The following ADRA1A variants were observed in gnomAD, a reference collection of about 807,000 sequenced individuals.
ADRA1A encodes adrenoceptor alpha 1A.
A neutral mutation model predicts 29.6 loss-of-function variants in ADRA1A; 31 were observed. The observed-to-expected ratio is 1.05, with a 90% CI of 0.79 to 1.41. The LOEUF (loss-of-function observed/expected upper bound fraction) is 1.41. ADRA1A is among the 40% of genes most tolerant of loss of function. The pLI is 0.00. For missense variants in ADRA1A, 619 were observed against 601.1 expected (o/e 1.03, Z -0.31); for synonymous variants, 311 against 254.3 (o/e 1.22, Z -2.12).
chr8:26,756,416 G>A, exon 3 of ADRA1A: 1 of 1,353,564 alleles, frequency 7.4e-7, no homozygotes, highest in Non-Finnish European at 9.6e-7. Context: ...ACACGTGGCT[G>A]ATGATTCTCA....
chr8:26,774,497 C>CA (rs746180616), intron 2 of ADRA1A, among the ~76,000 whole-genome samples: 1 of 152,056 alleles, frequency 6.6e-6, no homozygotes, highest in Non-Finnish European at 1.5e-5. Context: ...GGTGAAACCC[C>CA]ATCTTTACTA....
intron 2 of ADRA1A, among the ~76,000 whole-genome samples, chr8:26,830,329 C>T (rs1449255614): frequency 6.6e-6 from 1 of 152,180 alleles, no homozygotes; most frequent in East Asian, 1.9e-4. Context: ...AGGGGAGGAA[C>T]TTGGCTGTGG....
At chr8:26,803,385 A>T (rs921132234) in intron 2 of ADRA1A, among the ~76,000 whole-genome samples, 3 of 152,230 alleles carry the variant, frequency 2.0e-5, no homozygotes, top group African/African-American at 7.2e-5. Flanking sequence ...ATTAAAAATG[A>T]AAAAAGATGA....
At chr8:26,768,149 A>C (rs964534917), downstream of ADRA1A, among the ~76,000 whole-genome samples, 1 of 152,202 alleles carries the variant, frequency 6.6e-6, no homozygotes, top group African/African-American at 2.4e-5. Flanking sequence ...CCAAATCCAC[A>C]TGCAAACATA....
chr8:26,821,436 A>C lies in ADRA1A; in HGVS notation c.883+42651T>G, dbSNP rs898458983. 6.6e-6 allele frequency among the ~76,000 whole-genome samples: 1 copy of C among 152,120 alleles called. No individual in the cohort carries two copies. The highest frequency in any genetic ancestry group is 2.4e-5 in the African/African-American group (1 of 41,420). ...GGAGGCCTCAGACTTTTAAACAAGC[A>C]GACCTCGAGTGAACTGAGAACTCAC... On this transcript the variant is annotated intron_variant, in intron 2 of 2. Coordinates refer to ENST00000380573, the MANE Select transcript of ADRA1A (RefSeq NM_000680.4). This position sits in a 1 kb window ranked among gnomAD's most constrained non-coding sequence, Gnocchi z 5.6.
chr8:26,845,259 A>G (rs955861382), intron 2 of ADRA1A, among the ~76,000 whole-genome samples: 4 of 152,242 alleles, frequency 2.6e-5, no homozygotes, highest in Non-Finnish European at 5.9e-5. Context: ...CAAATAACCC[A>G]ATTAAAAAAT....
intron 2 of ADRA1A, among the ~76,000 whole-genome samples, chr8:26,778,811 G>A (rs1563245558): frequency 6.8e-6 from 1 of 147,456 alleles, no homozygotes; most frequent in East Asian, 2.0e-4. Flanking sequence ...GGGGGAGGGG[G>A]GAAGGATAGC....
At chr8:26,803,701 T>C (rs914599413) in intron 2 of ADRA1A, among the ~76,000 whole-genome samples, 1 of 152,132 alleles carries the variant, frequency 6.6e-6, no homozygotes, top group African/African-American at 2.4e-5. Context: ...CCAGAATATA[T>C]GCAGAAATGC....
At chr8:26,788,254 G>A (rs960803672) in intron 2 of ADRA1A, among the ~76,000 whole-genome samples, 2 of 151,962 alleles carry the variant, frequency 1.3e-5, no homozygotes, top group African/African-American at 2.4e-5. Flanking sequence ...AATAATAGGT[G>A]TGTTTCTACA....
downstream of ADRA1A, chr8:26,756,384 C>T (rs1240135047): frequency 1.6e-6 from 2 of 1,257,308 alleles, no homozygotes; most frequent in African/African-American, 3.1e-5. Flanking sequence ...ACTGGGGTGC[C>T]TTATGGAATT....
chr8:26,761,459 G>A (rs1805498047), downstream of ADRA1A, among the ~76,000 whole-genome samples: 1 of 152,180 alleles, frequency 6.6e-6, no homozygotes, highest in Non-Finnish European at 1.5e-5. Context: ...GCATGGTGTG[G>A]TTAAATAAGG....
intron 2 of ADRA1A, among the ~76,000 whole-genome samples, chr8:26,809,292 G>A (rs1436008406): frequency 6.6e-6 from 1 of 152,050 alleles, no homozygotes; most frequent in African/African-American, 2.4e-5. Flanking sequence ...GTCTCTATGT[G>A]TTACTCTGTT....
Position 26,768,810 on chromosome 8 carries a change from G to A in ADRA1A, c.*1339C>T, listed in dbSNP as rs891614702. 36 of 729,216 alleles carry A rather than the reference G, an allele frequency of 4.9e-5. No individual in the cohort carries two copies. Among genetic ancestry groups the A allele is most frequent in the Admixed American group, 6.3e-5 (1 of 15,936 alleles). 45.2% of individuals were successfully genotyped at this position (729,216 alleles called of 1,614,324 possible). ...TTCAGAAAAGAGATACACAAGTTCTGTACTGAGTTATTATGGTTTACCAAA... is the reference window on the plus strand; with the variant it reads ...TTCAGAAAAGAGATACACAAGTTCTATACTGAGTTATTATGGTTTACCAAA... On this transcript the variant is annotated 3_prime_UTR_variant, in exon 3 of 3. Coordinates refer to ENST00000380573, the MANE Select transcript of ADRA1A (RefSeq NM_000680.4).
chr8:26,813,348 T>C lies in ADRA1A; in HGVS notation c.884-42682A>G, dbSNP rs192975607. On this transcript the variant is annotated intron_variant, in intron 2 of 2. Coordinates refer to ENST00000380573, the MANE Select transcript of ADRA1A (RefSeq NM_000680.4). ...AGAAGAAGGCAAAACAACTATAAGG[T>C]ATCCTTTTGTTTTTTCTTTCTTAAC... is the stretch of plus-strand genomic sequence containing the variant. Among the ~76,000 whole-genome samples the C allele has an allele frequency of 2.8e-3, 421 of 152,284 alleles. 8 individuals are homozygous for C. The highest frequency in any genetic ancestry group is 0.023 in the Admixed American group (358 of 15,284).
chr8:26,757,239 C>T (rs1329029987), intron 2 of ADRA1A: 1 of 678,238 alleles, frequency 1.5e-6, no homozygotes, highest in Non-Finnish European at 2.7e-6. Flanking sequence ...CACGAGAGAC[C>T]ATTTGGCAGG....
rs76026694 is a variant in ADRA1A at position 26,824,414 on chromosome 8, G to A, written c.883+39673C>T. On this transcript the variant is annotated intron_variant, in intron 2 of 2. Coordinates refer to ENST00000380573, the MANE Select transcript of ADRA1A (RefSeq NM_000680.4). ...GTCAAGGCAGCCTCCTTCAAACTTCGTTTTTTGCATCTCTGAAAGGAGGCC... is the reference window on the plus strand; with the variant it reads ...GTCAAGGCAGCCTCCTTCAAACTTCATTTTTTGCATCTCTGAAAGGAGGCC... Among the ~76,000 whole-genome samples, 261 of 152,134 alleles carry A rather than the reference G, an allele frequency of 1.7e-3. 4 individuals are homozygous for A. The East Asian group carries it at 0.046, about 27-fold the overall frequency.
chr8:26,749,105 A>G (rs1417708182), intron 2 of ADRA1A, among the ~76,000 whole-genome samples: 2 of 152,258 alleles, frequency 1.3e-5, no homozygotes, highest in East Asian at 1.9e-4. Context: ...CAGTGACAAC[A>G]CTATTGAAAC....
chr8:26,805,387 G>A lies in ADRA1A; in HGVS notation c.884-34721C>T, dbSNP rs1808899815. 6.6e-6 allele frequency among the ~76,000 whole-genome samples: 1 copy of A among 152,196 alleles called. No homozygotes were observed. Among genetic ancestry groups the A allele is most frequent in the Non-Finnish European group, 1.5e-5 (1 of 68,030 alleles). On this transcript the variant is annotated intron_variant, in intron 2 of 2. Transcript: ENST00000380573. The surrounding 1 kb of genome is among the most constrained non-coding windows in gnomAD (Gnocchi z 4.8). ...TGGGAATTATTCCCACTTTAAAGAT[G>A]AAGCAAATCACTTGTCTACTACGCT...
At chr8:26,846,075 C>G (rs144655216) in intron 2 of ADRA1A, among the ~76,000 whole-genome samples, 1 of 152,118 alleles carries the variant, frequency 6.6e-6, no homozygotes, top group Non-Finnish European at 1.5e-5. Context: ...GTGAATTTTA[C>G]GTTATGTGAA....
Sources: gnomAD v4.1 joint callset for allele counts (sites outside exome capture counted in the v4.1 genomes callset) on GRCh38, gnomAD v4.1.1 for gene constraint, Gnocchi (gnomAD v3.1) non-coding constraint, MANE v1.5 for transcripts, NCBI Gene and HGNC (gene_info 2026-07-23, HGNC 2026-07-21) for gene names.